CFAP54: variants seen among roughly 807,000 people sequenced by gnomAD.
CFAP54 encodes the protein cilia- and flagella-associated protein 54.
CFAP54 carries 290 observed loss-of-function variants against 370.4 expected under a neutral mutation model. The observed-to-expected ratio is 0.78, with a 90% confidence interval of 0.71 to 0.86. CFAP54 has a LOEUF of 0.86. CFAP54 is among the 40% of genes least tolerant of loss of function. The pLI is 0.00. For synonymous variants in CFAP54, 1,206 were observed against 1,236.5 expected (o/e 0.98, Z 0.52); for missense variants, 3,399 against 3,528.7 (o/e 0.96, Z 0.93).
chr12:96,849,263 C>T (rs1410680533), intron 66 of CFAP54, among the ~76,000 whole-genome samples: 1 of 152,092 alleles, frequency 6.6e-6, no homozygotes, highest in Non-Finnish European at 1.5e-5. Flanking sequence ...TTTCATGGCT[C>T]TTGCTCCCTG....
intron 66 of CFAP54, among the ~76,000 whole-genome samples, chr12:96,835,094 G>A (rs1565997100): frequency 6.6e-6 from 1 of 151,818 alleles, no homozygotes; most frequent in Non-Finnish European, 1.5e-5. Flanking sequence ...CTGTAGGCAG[G>A]TTGGTCTGAT....
chr12:96,781,288 TA>T (rs1958577732), intron 60 of CFAP54, among the ~76,000 whole-genome samples: 1 of 152,118 alleles, frequency 6.6e-6, no homozygotes, highest in Admixed American at 6.5e-5. Flanking sequence ...TAGGGAAAAA[TA>T]TTCTTTACGA....
At chr12:96,696,375 T>C (rs370996084) in intron 45 of CFAP54, among the ~76,000 whole-genome samples, 3 of 152,290 alleles carry the variant, frequency 2.0e-5, no homozygotes, top group Admixed American at 6.5e-5. Context: ...TACAGTCTGG[T>C]CTGTCCTTAA....
chr12:96,776,635 T>G (rs1435869944), intron 60 of CFAP54, among the ~76,000 whole-genome samples: 4 of 152,246 alleles, frequency 2.6e-5, no homozygotes, highest in Non-Finnish European at 5.9e-5. Context: ...TAATTGTGGA[T>G]AGTCTTCTTT....
At chr12:96,752,385 G>A (rs1958196718) in intron 55 of CFAP54, among the ~76,000 whole-genome samples, 1 of 152,070 alleles carries the variant, frequency 6.6e-6, no homozygotes, top group Non-Finnish European at 1.5e-5. Flanking sequence ...GACGCTCAAG[G>A]CTTGGAGGCA....
intron 40 of CFAP54, chr12:96,682,013 C>A: frequency 3.1e-6 from 1 of 327,466 alleles, no homozygotes; most frequent in Non-Finnish European, 4.4e-6. Context: ...CCTCAAACTG[C>A]AAAAATGTCT....
At chr12:96,778,915 C>T (rs982905521) in intron 60 of CFAP54, among the ~76,000 whole-genome samples, 3 of 152,028 alleles carry the variant, frequency 2.0e-5, no homozygotes, top group Non-Finnish European at 4.4e-5. Flanking sequence ...CAAGACCAAC[C>T]TGGCCAACAT....
intron 66 of CFAP54, among the ~76,000 whole-genome samples, chr12:96,858,699 T>A (rs1959783653): frequency 6.6e-6 from 1 of 152,096 alleles, no homozygotes; most frequent in Admixed American, 6.5e-5. Context: ...AGGTGAAAGA[T>A]CCCTGCAATG....
chr12:96,601,624 C>T (rs1443419362), intron 26 of CFAP54, among the ~76,000 whole-genome samples: 1 of 152,160 alleles, frequency 6.6e-6, no homozygotes, highest in Non-Finnish European at 1.5e-5. Context: ...ATTATTACCT[C>T]AATTTCAGAA....
chr12:96,504,070 T>G (rs1955062703), intron 3 of CFAP54, 41 bp downstream of exon 3: 1 of 1,468,298 alleles, frequency 6.8e-7, no homozygotes, highest in Non-Finnish European at 9.0e-7. Context: ...AATTTATGAT[T>G]AGCTATACAA....
rs550436890 is a variant in CFAP54, at chr12:96,687,220, T to A, written c.6015-1696T>A. Among the ~76,000 whole-genome samples the A allele has an allele frequency of 1.2e-4, 19 of 152,336 alleles. No homozygotes were observed. The South Asian group carries it at 3.5e-3, about 28-fold the overall frequency. On this transcript the variant is annotated intron_variant, in intron 42 of 67. Transcript: ENST00000524981. Reference sequence around the variant, plus strand: ...GGGCCATCGTGACGATCCAGGATAATCTTCCTTATCTCAGTGGCCTTAATT... The same window carrying A: ...GGGCCATCGTGACGATCCAGGATAAACTTCCTTATCTCAGTGGCCTTAATT...
chr12:96,854,833 T>C (rs1173949143), intron 66 of CFAP54, among the ~76,000 whole-genome samples: 1 of 152,222 alleles, frequency 6.6e-6, no homozygotes, highest in African/African-American at 2.4e-5. Context: ...TCGGAATACA[T>C]GTGAAGGTTT....
Position 96,644,316 on chromosome 12 carries a change from C to A in CFAP54, c.4455C>A (p.Asn1485Lys), listed in dbSNP as rs1232711958. 2.6e-6 allele frequency: 4 copies of A among 1,535,916 alleles called. No homozygotes were observed. Among genetic ancestry groups the A allele is most frequent in the South Asian group, 2.4e-5 (2 of 84,046 alleles). ...AGATGCCCTGGAGAGCTCAGATGAA[C>A]CTGTATCTAGCAGGTGCACACTTTA... ...LEEMPWRAQM[N>K]LYLAGAHFNL... Residue 1485 changes from asparagine (N) to lysine (K), a missense_variant, in exon 33 of 68, where the codon AAC becomes AAA. By Grantham distance (94) the Asn-to-Lys change is moderately conservative. Around this residue, in one of 3 missense-constraint regions of CFAP54, gnomAD observed 2,796 missense variants for 2,869.7 expected, o/e 0.97. Transcript: ENST00000524981.
chr12:96,547,861 C>T (rs569148465), intron 14 of CFAP54, 41 bp from the exon 15 acceptor site: 2 of 1,048,430 alleles, frequency 1.9e-6, no homozygotes, highest in Non-Finnish European at 1.4e-6. Flanking sequence ...TCTCCCTTCC[C>T]CTCCATCCTT....
chr12:96,642,650 C>G (rs1956744438), intron 32 of CFAP54, among the ~76,000 whole-genome samples: 1 of 152,152 alleles, frequency 6.6e-6, no homozygotes. Context: ...AATACGCTAG[C>G]TTATTTCCTT....
chr12:96,680,424 A>C (rs957536557), intron 40 of CFAP54, among the ~76,000 whole-genome samples: 1 of 152,216 alleles, frequency 6.6e-6, no homozygotes, highest in South Asian at 2.1e-4. Flanking sequence ...TAAAATTTTT[A>C]AAAATCCTGT....
chr12:96,503,473 CTCT>C (rs1955055985), intron 2 of CFAP54, among the ~76,000 whole-genome samples: 1 of 149,298 alleles, frequency 6.7e-6, no homozygotes, highest in Non-Finnish European at 1.5e-5. Context: ...CGCTCGCTCG[CTCT>C]TCGTTTCTTT....
chr12:96,856,535 T>A (rs528529469), intron 66 of CFAP54, among the ~76,000 whole-genome samples: 1 of 152,194 alleles, frequency 6.6e-6, no homozygotes, highest in South Asian at 2.1e-4. Context: ...GCCGCCAGTC[T>A]CTTTGCTAAA....
chr12:96,606,047 G>GT (rs886337006), intron 26 of CFAP54, among the ~76,000 whole-genome samples: 13 of 77,364 alleles, frequency 1.7e-4, no homozygotes, highest in Non-Finnish European at 2.1e-4. Context: ...TTGTGATTTA[G>GT]TGGGGGGGTG....
Sources: gnomAD v4.1 joint callset for allele counts (sites outside exome capture counted in the v4.1 genomes callset) on GRCh38, gnomAD v4.1.1 for gene constraint, gnomAD v4.1.1 regional missense constraint, MANE v1.5 for transcripts, NCBI Gene and HGNC (gene_info 2026-07-23, HGNC 2026-07-21) for gene names.